The following SFMBT2 variants were observed in gnomAD, a reference collection of about 807,000 sequenced individuals.
SFMBT2 encodes Scm like with four mbt domains 2, also known as scm-like with four MBT domains protein 2.
In SFMBT2, 38 loss-of-function variants were observed where a neutral mutation model predicts 110.1. That is an observed-to-expected ratio of 0.35 (90% CI 0.27 to 0.45). The LOEUF (loss-of-function observed/expected upper bound fraction) is 0.45. SFMBT2 is among the 20% of genes least tolerant of loss of function. SFMBT2 has a pLI of 1.00. For missense variants in SFMBT2, 1,011 were observed against 1,094.9 expected, an observed-to-expected ratio of 0.92 and a Z score of 1.08; for synonymous variants, 425 against 425.4, an observed-to-expected ratio of 1.00 and a Z score of 0.01.
chr10:7,323,948 T>C (rs941410183), intron 4 of SFMBT2, among the ~76,000 whole-genome samples: 7 of 152,214 alleles, frequency 4.6e-5, no homozygotes, highest in Admixed American at 4.6e-4. Flanking sequence ...ACCATCATAA[T>C]ACATACATAA....
chr10:7,345,950 T>G (rs1419315663), intron 4 of SFMBT2, among the ~76,000 whole-genome samples: 1 of 152,200 alleles, frequency 6.6e-6, no homozygotes, highest in African/African-American at 2.4e-5. Flanking sequence ...GAACAGTCCC[T>G]GACTCTGGAA....
chr10:7,271,279 C>T (rs1309870551), intron 7 of SFMBT2, among the ~76,000 whole-genome samples: 1 of 79,514 alleles, frequency 1.3e-5, no homozygotes, highest in Non-Finnish European at 2.3e-5. Flanking sequence ...GGTGACAGGG[C>T]AAGATTGCCT....
At chr10:7,240,129 C>T (rs559487660) in intron 9 of SFMBT2, among the ~76,000 whole-genome samples, 23 of 152,110 alleles carry the variant, frequency 1.5e-4, no homozygotes, top group Non-Finnish European at 3.2e-4. Context: ...GTCATGTCTA[C>T]CTTCATCCCT....
intron 1 of SFMBT2, among the ~76,000 whole-genome samples, chr10:7,387,583 C>G (rs1392529044): frequency 1.3e-5 from 2 of 151,756 alleles, no homozygotes; most frequent in African/African-American, 4.8e-5. Flanking sequence ...CAAAGCGGAA[C>G]AGAAAATTAG....
intron 6 of SFMBT2, among the ~76,000 whole-genome samples, chr10:7,283,542 G>A (rs1216296935): frequency 1.3e-5 from 2 of 152,134 alleles, no homozygotes; most frequent in Admixed American, 1.3e-4. Flanking sequence ...TGAGAGATGG[G>A]TACACAGATG....
chr10:7,277,484 A>T (rs1298553989), intron 6 of SFMBT2: 1 of 235,208 alleles, frequency 4.3e-6, no homozygotes, highest in African/African-American at 2.3e-5. Context: ...TAAGTCAGAA[A>T]ATTATTAAAA....
intron 10 of SFMBT2, 152 bp downstream of exon 10, chr10:7,227,703 A>T (rs898812855): frequency 1.5e-6 from 1 of 649,462 alleles, no homozygotes; most frequent in Non-Finnish European, 2.6e-6. Context: ...TACAACCTGA[A>T]AGCAGAGCTT....
At chr10:7,355,207 G>A (rs1447057359) in intron 4 of SFMBT2, among the ~76,000 whole-genome samples, 2 of 152,030 alleles carry the variant, frequency 1.3e-5, no homozygotes, top group African/African-American at 4.8e-5. Flanking sequence ...AGTGTCCTAC[G>A]ATTCCAAATG....
rs1840503794 is a variant in SFMBT2, at chr10:7,243,503, C to T, written c.1120+55G>A. 3.5e-6 allele frequency: 3 copies of T among 860,122 alleles called. No homozygotes were observed. In the Admixed American group the frequency reaches 5.2e-5, roughly 15 times the overall value. 53.3% of individuals were successfully genotyped at this position (860,122 alleles called of 1,614,324 possible). On this transcript the variant is annotated intron_variant, in intron 9 of 20. Coordinates refer to ENST00000397167, the MANE Select transcript of SFMBT2 (RefSeq NM_001387889.1). ...ATTAATGCAGGTGTTACTTCAATGA[C>T]AGTAAGACACCCTCCTGAATCTCCA... is the stretch of plus-strand genomic sequence containing the variant.
intron 15 of SFMBT2, 138 bp downstream of exon 15, chr10:7,197,410 C>T: frequency 8.4e-7 from 1 of 1,194,776 alleles, no homozygotes; most frequent in Non-Finnish European, 1.2e-6. Flanking sequence ...CTTCAGCCCA[C>T]AGGATGGAGA....
At chr10:7,187,176 G>A (rs1838442698) in intron 16 of SFMBT2, among the ~76,000 whole-genome samples, 2 of 152,198 alleles carry the variant, frequency 1.3e-5, no homozygotes, top group African/African-American at 2.4e-5. Flanking sequence ...GTTTTAATGG[G>A]AGCTAAGATT....
At chr10:7,200,291 T>TG (rs1838909919) in intron 14 of SFMBT2, 123 bp downstream of exon 14, 1 of 715,556 alleles carries the variant, frequency 1.4e-6, no homozygotes, top group Non-Finnish European at 2.1e-6. Context: ...TGAGTGGCAA[T>TG]GGAGAAAAAC....
At chr10:7,234,677 C>T (rs112467310) in intron 9 of SFMBT2, among the ~76,000 whole-genome samples, 5,147 of 152,216 alleles carry the variant, frequency 0.034, 249 homozygotes, top group African/African-American at 0.11. Flanking sequence ...AGTCCAGTAG[C>T]CGGGCGGGAC....
intron 5 of SFMBT2, chr10:7,284,491 T>C: frequency 1.0e-6 from 1 of 972,992 alleles, no homozygotes. Flanking sequence ...TCTACCCAAA[T>C]TTGCCTGGAC....
chr10:7,240,191 A>G (rs564160917), intron 9 of SFMBT2, among the ~76,000 whole-genome samples: 1 of 152,288 alleles, frequency 6.6e-6, no homozygotes, highest in Admixed American at 6.5e-5. Context: ...ACTAATAATT[A>G]TTCTCATTAT....
At chr10:7,227,774 A>G (rs1476844781) in intron 10 of SFMBT2, 81 bp downstream of exon 10, 1 of 1,235,080 alleles carries the variant, frequency 8.1e-7, no homozygotes, top group South Asian at 1.3e-5. Context: ...ACCGTGCTTC[A>G]TCAATAAAAA....
At chr10:7,351,894 T>C (rs1252363589) in intron 4 of SFMBT2, among the ~76,000 whole-genome samples, 1 of 151,848 alleles carries the variant, frequency 6.6e-6, no homozygotes, top group Non-Finnish European at 1.5e-5. Flanking sequence ...TATATATATA[T>C]ATCTGATGAG....
chr10:7,255,459 C>T (rs894744765), intron 7 of SFMBT2, among the ~76,000 whole-genome samples: 6 of 152,158 alleles, frequency 3.9e-5, no homozygotes, highest in African/African-American at 9.7e-5. Flanking sequence ...GGTCAAATTG[C>T]GTACAGAAAA....
rs186889894 is a variant in SFMBT2, at chr10:7,194,047, C to A, written c.1698+3501G>T. ...CACCACTGCCTGTGCCTAACAACTC[C>A]ACCCTCCATGCAACTGGGCATGGGC... is the stretch of plus-strand genomic sequence containing the variant. On this transcript the variant is annotated intron_variant, in intron 15 of 20. Coordinates refer to ENST00000397167, the MANE Select transcript of SFMBT2 (RefSeq NM_001387889.1). Among the ~76,000 whole-genome samples, 14 of 152,292 alleles carry A rather than the reference C, an allele frequency of 9.2e-5. No individual in the cohort carries two copies. In the East Asian group the frequency reaches 2.5e-3, roughly 27 times the overall value.
Sources: allele counts gnomAD v4.1 joint callset (sites outside exome capture counted in the v4.1 genomes callset), GRCh38; gene constraint gnomAD v4.1.1; transcripts MANE v1.5; gene names NCBI Gene and HGNC (gene_info 2026-07-23, HGNC 2026-07-21).